Variants in GNB1L observed in about 807,000 individuals in gnomAD.
GNB1L encodes the protein G protein subunit beta 1 like.
Under a neutral mutation model 29.1 loss-of-function variants are expected in GNB1L, and 20 were observed. The observed-to-expected ratio is 0.69, with a 90% CI of 0.48 to 1.00. GNB1L has a LOEUF of 1.00. Ranked by LOEUF, GNB1L falls within the 50% of genes least tolerant of loss-of-function variation. The pLI is 0.00. For missense variants in GNB1L, 421 were observed against 464.9 expected, an observed-to-expected ratio of 0.91 and a Z score of 0.87; for synonymous variants, 193 against 206.5, an observed-to-expected ratio of 0.93 and a Z score of 0.56.
At position 19,788,781 on chromosome 22, in the gene GNB1L, G is replaced by A. The variant is rs766117963; in HGVS notation, c.912C>T (p.Thr304=). 24 of 1,612,212 alleles carry A rather than the reference G, an allele frequency of 1.5e-5. No individual in the cohort carries two copies. The highest frequency in any genetic ancestry group is 1.6e-4 in the Middle Eastern group (1 of 6,076). The change falls in exon 8 of 8, where the codon ACC becomes ACT. Residue 304 remains threonine (T), a synonymous_variant. Transcript: ENST00000329517. ...AGCCCGCGGCCAGCAAGCCATCGGC[G>A]GTGAAGGCCACGCACTGGACAGCGG... ...HSAAVQCVAF[T]ADGLLAAGSK... is the part of the protein sequence containing the mutation.
chr22:19,851,520 A>T, intron 2 of GNB1L: 1 of 1,614,022 alleles, frequency 6.2e-7, no homozygotes, highest in South Asian at 1.1e-5. Flanking sequence ...CTAGATACAG[A>T]GTTGGACCCA....
intron 2 of GNB1L, among the ~76,000 whole-genome samples, chr22:19,827,101 T>C (rs1937625380): frequency 6.6e-6 from 1 of 152,168 alleles, no homozygotes; most frequent in Non-Finnish European, 1.5e-5. Context: ...GGGATCTTTG[T>C]GGGTAATCTG....
chr22:19,800,057 G>A (rs569407192), intron 7 of GNB1L, among the ~76,000 whole-genome samples: 4 of 152,352 alleles, frequency 2.6e-5, no homozygotes, highest in South Asian at 2.1e-4. Flanking sequence ...TGCCCAGCAC[G>A]CCACAGCCAC....
At chr22:19,789,203 T>C (rs565313532) in intron 7 of GNB1L, among the ~76,000 whole-genome samples, 66 of 152,104 alleles carry the variant, frequency 4.3e-4, no homozygotes, top group Non-Finnish European at 7.9e-4. Context: ...TCTGACCGAC[T>C]CCTTCCCCAG....
At chr22:19,821,793 C>T (rs893936037) in intron 2 of GNB1L, among the ~76,000 whole-genome samples, 1 of 152,208 alleles carries the variant, frequency 6.6e-6, no homozygotes, top group African/African-American at 2.4e-5. Flanking sequence ...CCACCACTGG[C>T]TGTGCCCTCT....
At chr22:19,835,673 C>G (rs549036547) in intron 2 of GNB1L, among the ~76,000 whole-genome samples, 1 of 148,230 alleles carries the variant, frequency 6.7e-6, no homozygotes, top group African/African-American at 2.5e-5. Flanking sequence ...GACTCTGTCT[C>G]GATAAAAAAA....
At chr22:19,789,830 C>G (rs1032730197) in intron 7 of GNB1L, among the ~76,000 whole-genome samples, 1 of 129,334 alleles carries the variant, frequency 7.7e-6, no homozygotes, top group African/African-American at 3.0e-5. Context: ...GAGTGAGACC[C>G]TGTCTCAAAA....
rs1310158180 is a variant in GNB1L at position 19,788,206 on chromosome 22, G to C, written c.*503C>G. On this transcript the variant is annotated 3_prime_UTR_variant, in exon 8 of 8. Transcript: ENST00000329517. Reference sequence around the variant, plus strand: ...GTGTTGGGAGCTCCTGGCCTCCTCGGGGTGAGGGGTCATGTGGACATCGAC... The same window carrying C: ...GTGTTGGGAGCTCCTGGCCTCCTCGCGGTGAGGGGTCATGTGGACATCGAC... 8 of 251,778 alleles carry C rather than the reference G, an allele frequency of 3.2e-5. No homozygotes were observed. The highest frequency in any genetic ancestry group is 5.0e-5 in the Admixed American group (1 of 19,992). The allele number at this position is 251,778 out of a possible 1,614,324, so 15.6% of individuals were successfully genotyped here. A position where few individuals can be genotyped will look rare whatever the true frequency, so the allele number is the denominator to read the frequency against.
chr22:19,798,863 G>A (rs943231433), intron 7 of GNB1L, among the ~76,000 whole-genome samples: 1 of 152,240 alleles, frequency 6.6e-6, no homozygotes, highest in African/African-American at 2.4e-5. Flanking sequence ...GAGGAGGACT[G>A]GTCCTGGCCC....
intron 5 of GNB1L, among the ~76,000 whole-genome samples, chr22:19,809,779 A>T (rs1937478425): frequency 6.6e-6 from 1 of 152,138 alleles, no homozygotes; most frequent in Non-Finnish European, 1.5e-5. Context: ...CCCATATTAA[A>T]TTGAGAAGTT....
chr22:19,846,961 C>G (rs1937976258), intron 2 of GNB1L: 1 of 985,374 alleles, frequency 1.0e-6, no homozygotes, highest in Non-Finnish European at 1.2e-6. Flanking sequence ...CCCATCCTCC[C>G]ATCCTCAGCA....
intron 2 of GNB1L, among the ~76,000 whole-genome samples, chr22:19,829,842 G>T (rs11912732): frequency 0.13 from 19,280 of 151,452 alleles, 1,495 homozygotes; most frequent in Middle Eastern, 0.23. Context: ...TTTCTTAGAG[G>T]TTAAATATAT....
chr22:19,817,013 G>T (rs762718561), intron 4 of GNB1L, among the ~76,000 whole-genome samples: 1 of 152,344 alleles, frequency 6.6e-6, no homozygotes, highest in East Asian at 1.9e-4. Flanking sequence ...GCACACCGTA[G>T]TGAATTCCAG....
At position 19,797,347 on chromosome 22, in the gene GNB1L, G is replaced by A. The variant is rs188999791; in HGVS notation, c.732+4654C>T. Among the ~76,000 whole-genome samples, 906 of 152,180 alleles carry A rather than the reference G, an allele frequency of 6.0e-3. 15 individuals are homozygous for A. The highest frequency in any genetic ancestry group is 0.021 in the African/African-American group (863 of 41,538). On this transcript the variant is annotated intron_variant, in intron 7 of 7. Transcript: ENST00000329517. ...CGGAGCACATGTCACACACGGGAGG[G>A]GGGGTGGGGGTGCAGGCGGTGATTT...
At chr22:19,840,385 A>G (rs768815360) in intron 2 of GNB1L, among the ~76,000 whole-genome samples, 7 of 152,306 alleles carry the variant, frequency 4.6e-5, no homozygotes, top group Non-Finnish European at 1.0e-4. Context: ...CTAAGAGGAG[A>G]GTACGGAAAG....
At chr22:19,822,822 G>A (rs1018452360) in intron 2 of GNB1L, among the ~76,000 whole-genome samples, 1 of 152,208 alleles carries the variant, frequency 6.6e-6, no homozygotes, top group Non-Finnish European at 1.5e-5. Context: ...GATGTCTGGA[G>A]GCAGCTGTCC....
At chr22:19,846,443 C>G in intron 2 of GNB1L, 1 of 985,362 alleles carries the variant, frequency 1.0e-6, no homozygotes, top group Non-Finnish European at 1.2e-6. Context: ...CCCCACTCCT[C>G]AGTATGGGCC....
At chr22:19,792,077 A>G (rs1937258410) in intron 7 of GNB1L, among the ~76,000 whole-genome samples, 1 of 152,244 alleles carries the variant, frequency 6.6e-6, no homozygotes, top group Non-Finnish European at 1.5e-5. Context: ...CAGAACCCAG[A>G]GATTCAGCAT....
chr22:19,802,319 G>A (rs1601324636), intron 6 of GNB1L, 103 bp from the exon 7 acceptor site: 2 of 922,238 alleles, frequency 2.2e-6, no homozygotes, highest in Admixed American at 2.2e-5. Context: ...TGCTGGCTGG[G>A]GCTGTTTCCC....
Sources: gnomAD v4.1 joint callset for allele counts (sites outside exome capture counted in the v4.1 genomes callset) on GRCh38, gnomAD v4.1.1 for gene constraint, MANE v1.5 for transcripts, NCBI Gene and HGNC (gene_info 2026-07-23, HGNC 2026-07-21) for gene names.